The following NSFL1C variants were observed in gnomAD, a reference collection of about 807,000 sequenced individuals.
NSFL1C encodes NSFL1 cofactor p47.
In NSFL1C, 14 loss-of-function variants were observed where a neutral mutation model predicts 43.1. The observed-to-expected ratio is 0.32, with a 90% CI of 0.21 to 0.51. The LOEUF is 0.51. Ranked by LOEUF, NSFL1C falls within the 20% of genes least tolerant of loss-of-function variation. NSFL1C has a pLI of 0.98. For synonymous variants in NSFL1C, 171 were observed against 183.5 expected (o/e 0.93, Z 0.55); for missense variants, 406 against 472.5 (o/e 0.86, Z 1.30).
chr20:1,459,129 T>C (rs1324308951), intron 2 of NSFL1C, among the ~76,000 whole-genome samples: 2 of 152,208 alleles, frequency 1.3e-5, no homozygotes, highest in Admixed American at 6.5e-5. Flanking sequence ...GCAGCTTCCA[T>C]ATAATATGGG....
At chr20:1,460,175 C>T (rs1166658736) in intron 2 of NSFL1C, among the ~76,000 whole-genome samples, 12 of 152,176 alleles carry the variant, frequency 7.9e-5, no homozygotes, top group Admixed American at 7.8e-4. Context: ...TTTCTGTGTG[C>T]AGGTGGGGTA....
intron 3 of NSFL1C, chr20:1,455,643 C>G (rs1375506736): frequency 1.3e-6 from 1 of 779,422 alleles, no homozygotes. Context: ...CCTGGGTAAG[C>G]CAGTGCACTA....
intron 7 of NSFL1C, among the ~76,000 whole-genome samples, chr20:1,452,190 A>G (rs947550399): frequency 2.0e-5 from 3 of 152,210 alleles, no homozygotes; most frequent in African/African-American, 4.8e-5. Flanking sequence ...TACATGCATC[A>G]GCTCACTTAT....
In NSFL1C at chr20:1,464,395, C is replaced by T; in HGVS notation, c.137G>A (p.Gly46Glu). ...CGAAATGGTCACAATGTCTTCATCC[C>T]CTCCGTCCTCATAAAAGCTCGCTAG... ...IALASFYEDGGDEDIVTISQA... is the reference protein window; with the variant it reads ...IALASFYEDGEDEDIVTISQA... Residue 46 changes from glycine (G) to glutamate (E), a missense_variant, in exon 2 of 9, where the codon GGG becomes GAG. Around this residue, in one of 3 missense-constraint regions of NSFL1C, gnomAD observed 203 missense variants for 216.3 expected, o/e 0.94. Transcript: ENST00000216879. 1 of 1,614,264 alleles carries T rather than the reference C, an allele frequency of 6.2e-7. No individual in the cohort carries two copies. Among genetic ancestry groups the T allele is most frequent in the Non-Finnish European group, 8.5e-7 (1 of 1,180,048 alleles).
intron 5 of NSFL1C, 93 bp downstream of exon 5, chr20:1,454,120 G>A: frequency 1.1e-6 from 1 of 947,714 alleles, no homozygotes; most frequent in South Asian, 1.4e-5. Flanking sequence ...CCTTTCAGAG[G>A]CTGCTGGTTA....
Position 1,454,308 on chromosome 20 carries a change from A to G in NSFL1C, c.445-3T>C, listed in dbSNP as rs778917785. 50 of 1,609,048 alleles carry G rather than the reference A, an allele frequency of 3.1e-5. No homozygotes were observed. The highest frequency in any genetic ancestry group is 2.8e-5 in the Non-Finnish European group (33 of 1,177,076). On this transcript the variant is annotated splice_region_variant and splice_polypyrimidine_tract_variant and intron_variant, in intron 4 of 8. Coordinates refer to ENST00000216879, the MANE Select transcript of NSFL1C (RefSeq NM_016143.5). ...CGGTAGCCACCTCCTGCAAATGGCT[A>G]TAAGGGACAAGTTCATACACATTTA...
intron 2 of NSFL1C, among the ~76,000 whole-genome samples, chr20:1,461,839 G>T (rs1423182970): frequency 6.6e-6 from 1 of 152,184 alleles, no homozygotes; most frequent in Non-Finnish European, 1.5e-5. Context: ...AGATGTTCAT[G>T]TAAAAGCTTA....
chr20:1,466,835 T>TGC lies in NSFL1C; in HGVS notation c.-13_-12dup. 1 of 1,527,336 alleles carries TGC rather than the reference T, an allele frequency of 6.5e-7. No homozygotes were observed. 94.6% of individuals were successfully genotyped at this position (1,527,336 alleles called of 1,614,324 possible). Reference sequence around the variant, plus strand: ...TCGCTCCGCCGCCATCTTCGCCCCGTGCGCCTTCCAAAGCGCTCCGGCGGC... The same window carrying TGC: ...TCGCTCCGCCGCCATCTTCGCCCCGTGCGCGCCTTCCAAAGCGCTCCGGCGGC... On this transcript the variant is annotated 5_prime_UTR_variant, in exon 1 of 9. Coordinates refer to ENST00000216879, the MANE Select transcript of NSFL1C (RefSeq NM_016143.5).
intron 2 of NSFL1C, chr20:1,463,780 C>T (rs1364176702): frequency 2.0e-5 from 3 of 152,542 alleles, no homozygotes; most frequent in Admixed American, 2.0e-4. Flanking sequence ...CTGCAGAGCA[C>T]AGGAGTAATC....
chr20:1,465,419 C>T (rs1057028326), intron 1 of NSFL1C, among the ~76,000 whole-genome samples: 22 of 152,356 alleles, frequency 1.4e-4, no homozygotes, highest in African/African-American at 5.3e-4. Context: ...AGTTTCCCCA[C>T]TACAATGTGA....
chr20:1,460,972 A>T (rs921645068), intron 2 of NSFL1C, among the ~76,000 whole-genome samples: 3 of 152,220 alleles, frequency 2.0e-5, no homozygotes, highest in Non-Finnish European at 4.4e-5. Flanking sequence ...CAGCAGAAGC[A>T]GCTTTGGACT....
intron 3 of NSFL1C, among the ~76,000 whole-genome samples, chr20:1,457,556 CTGTCT>C (rs1426384966): frequency 1.3e-5 from 2 of 152,196 alleles, no homozygotes; most frequent in Non-Finnish European, 2.9e-5. Flanking sequence ...CATATTCCTC[CTGTCT>C]TAAGATTTTA....
At chr20:1,459,790 G>C (rs1214769099) in intron 2 of NSFL1C, among the ~76,000 whole-genome samples, 1 of 152,196 alleles carries the variant, frequency 6.6e-6, no homozygotes. Context: ...AGTACCCTGA[G>C]AGTACTAGTT....
chr20:1,452,785 CT>C (rs1376420672), intron 6 of NSFL1C, among the ~76,000 whole-genome samples, 155 bp from the exon 7 acceptor site: 1 of 152,232 alleles, frequency 6.6e-6, no homozygotes, highest in East Asian at 1.9e-4. Context: ...CTGCCTCCAC[CT>C]TTTCTCTTGT....
intron 2 of NSFL1C, among the ~76,000 whole-genome samples, chr20:1,460,803 T>C (rs2090393949): frequency 6.6e-6 from 1 of 152,238 alleles, no homozygotes; most frequent in Non-Finnish European, 1.5e-5. Context: ...AGCTACCTTG[T>C]TGGATCGTGT....
At chr20:1,446,485 G>A (rs2090062116) in intron 7 of NSFL1C, among the ~76,000 whole-genome samples, 1 of 152,080 alleles carries the variant, frequency 6.6e-6, no homozygotes. Context: ...AACAGGACAC[G>A]GTGTCAGACA....
intron 1 of NSFL1C, among the ~76,000 whole-genome samples, chr20:1,465,650 A>G (rs2090494696): frequency 6.6e-6 from 1 of 152,198 alleles, no homozygotes; most frequent in Non-Finnish European, 1.5e-5. Flanking sequence ...TGTGACCCTG[A>G]GCAAATTCTT....
intron 1 of NSFL1C, among the ~76,000 whole-genome samples, chr20:1,465,746 T>C (rs1324461922): frequency 6.6e-6 from 1 of 152,204 alleles, no homozygotes. Context: ...AATCATATTA[T>C]GTAAAGTGCT....
chr20:1,463,280 C>G (rs1191107848), intron 2 of NSFL1C: 1 of 152,242 alleles, frequency 6.6e-6, no homozygotes, highest in Non-Finnish European at 1.5e-5. Context: ...CTGTCAAAGA[C>G]TCATACCCCA....
Sources: gnomAD v4.1 joint callset for allele counts (sites outside exome capture counted in the v4.1 genomes callset) on GRCh38, gnomAD v4.1.1 for gene constraint, gnomAD v4.1.1 regional missense constraint, MANE v1.5 for transcripts, NCBI Gene and HGNC (gene_info 2026-07-23, HGNC 2026-07-21) for gene names.